RPTOR: variants seen among roughly 807,000 people sequenced by gnomAD.
RPTOR encodes regulatory-associated protein of mTOR.
A neutral mutation model predicts 169.9 loss-of-function variants in RPTOR; 21 were observed. That is an observed-to-expected ratio of 0.12 (90% CI 0.09 to 0.18). RPTOR has a LOEUF of 0.18. RPTOR is among the 10% of genes least tolerant of loss of function. The pLI is 1.00. For missense variants in RPTOR, 1,133 were observed against 1,855.9 expected (o/e 0.61, Z 7.16); for synonymous variants, 732 against 753.2 (o/e 0.97, Z 0.46).
Position 80,730,754 on chromosome 17 carries a change from T to TTTTGG in RPTOR, c.654+48_654+49insTTTGG. ...AGCGGTGCTGGGTTTGGTTTTGTTT[T>TTTTGG]CCCTGGGGGTGGGGTTTGGGTGGGG... On this transcript the variant is annotated intron_variant, in intron 5 of 33. Transcript: ENST00000306801. The surrounding 1 kb of genome is among the most constrained non-coding windows in gnomAD (Gnocchi z 4.2). 1.4e-6 allele frequency: 1 copy of TTTTGG among 721,656 alleles called. No homozygotes were observed. The highest frequency in any genetic ancestry group is 2.2e-6 in the Non-Finnish European group (1 of 457,704). 44.7% of individuals were successfully genotyped at this position (721,656 alleles called of 1,614,324 possible).
intron 1 of RPTOR, among the ~76,000 whole-genome samples, chr17:80,620,684 A>G (rs1311153004): frequency 6.6e-6 from 1 of 152,202 alleles, no homozygotes; most frequent in African/African-American, 2.4e-5. Flanking sequence ...GAGAATCGCT[A>G]GAACCCAGGA....
chr17:80,819,123 GCC>G (rs1281093320), intron 7 of RPTOR, among the ~76,000 whole-genome samples: 1 of 152,144 alleles, frequency 6.6e-6, no homozygotes, highest in African/African-American at 2.4e-5. Context: ...TGCAGCCCTG[GCC>G]CCCGCCAGCT....
At chr17:80,583,028 A>C in intron 1 of RPTOR, among the ~76,000 whole-genome samples, 1 of 143,048 alleles carries the variant, frequency 7.0e-6, no homozygotes, top group Admixed American at 7.0e-5. Context: ...CAATCCTCTC[A>C]CTTCAGCCTC....
chr17:80,821,006 A>G (rs773706238), intron 7 of RPTOR, among the ~76,000 whole-genome samples: 2 of 152,248 alleles, frequency 1.3e-5, no homozygotes, highest in African/African-American at 2.4e-5. Flanking sequence ...TTAGAATATT[A>G]TACTAACTTC....
chr17:80,632,695 G>A (rs1338660133), intron 2 of RPTOR, among the ~76,000 whole-genome samples: 8 of 152,206 alleles, frequency 5.3e-5, no homozygotes, highest in Non-Finnish European at 1.2e-4. Context: ...TGGTCCTGGT[G>A]ATGGTGGTTT....
At chr17:80,864,310 GAAA>G (rs2067957184) in intron 13 of RPTOR, among the ~76,000 whole-genome samples, 1 of 145,814 alleles carries the variant, frequency 6.9e-6, no homozygotes, top group African/African-American at 2.5e-5. Flanking sequence ...CCTACAGATG[GAAA>G]AGGTGAGAGT....
intron 9 of RPTOR, among the ~76,000 whole-genome samples, chr17:80,829,128 G>A (rs545863761): frequency 5.9e-5 from 9 of 152,272 alleles, no homozygotes; most frequent in South Asian, 2.1e-4. Flanking sequence ...CTAAGCCTTC[G>A]AAGCACTAAA....
chr17:80,570,133 C>T (rs1388507962), intron 1 of RPTOR, among the ~76,000 whole-genome samples: 2 of 152,176 alleles, frequency 1.3e-5, no homozygotes, highest in South Asian at 2.1e-4. Context: ...GTGACTGTCA[C>T]GGTCTGCATG....
At chr17:80,583,195 T>TTTG (rs1555717402) in intron 1 of RPTOR, among the ~76,000 whole-genome samples, 2 of 135,782 alleles carry the variant, frequency 1.5e-5, no homozygotes, top group Non-Finnish European at 3.2e-5. Context: ...TTTTTTTTTT[T>TTTG]TTTTTTTTTT....
At chr17:80,747,010 G>T (rs568322270) in intron 5 of RPTOR, among the ~76,000 whole-genome samples, 2 of 152,262 alleles carry the variant, frequency 1.3e-5, no homozygotes, top group East Asian at 3.9e-4. Flanking sequence ...TTGAGGTCAG[G>T]AATTCGAGAC....
intron 24 of RPTOR, among the ~76,000 whole-genome samples, chr17:80,934,267 G>GAC (rs2068930523): frequency 6.6e-6 from 1 of 151,426 alleles, no homozygotes; most frequent in Non-Finnish European, 1.5e-5. Flanking sequence ...AGATGAAATA[G>GAC]ACAAATTCCT....
At chr17:80,912,921 GA>G (rs2068629813) in intron 21 of RPTOR, among the ~76,000 whole-genome samples, 1 of 152,182 alleles carries the variant, frequency 6.6e-6, no homozygotes, top group Admixed American at 6.5e-5. Flanking sequence ...GCCACAGCCA[GA>G]GGGGTGGAGA....
chr17:80,785,312 G>A (rs1213170229), intron 6 of RPTOR, among the ~76,000 whole-genome samples: 1 of 152,118 alleles, frequency 6.6e-6, no homozygotes, highest in African/African-American at 2.4e-5. Flanking sequence ...GTCAAAGTCA[G>A]ATAAAATATA....
intron 21 of RPTOR, among the ~76,000 whole-genome samples, chr17:80,921,073 C>T (rs2068739221): frequency 1.3e-5 from 2 of 152,208 alleles, no homozygotes; most frequent in South Asian, 2.1e-4. Context: ...ATCTGGGAAG[C>T]GTGGGTGTTA....
intron 3 of RPTOR, among the ~76,000 whole-genome samples, chr17:80,706,855 G>A (rs535773240): frequency 3.3e-5 from 5 of 152,242 alleles, no homozygotes; most frequent in African/African-American, 1.2e-4. Flanking sequence ...ACCCAAGCAG[G>A]GAGCATCTTC....
intron 1 of RPTOR, chr17:80,593,461 G>A (rs2065122283): frequency 6.5e-6 from 1 of 154,848 alleles, no homozygotes; most frequent in South Asian, 2.0e-4. Flanking sequence ...CTAGGACAGA[G>A]GGTCTCAATG....
intron 24 of RPTOR, among the ~76,000 whole-genome samples, chr17:80,930,394 ATTCTCAG>A (rs2068876128): frequency 2.2e-4 from 1 of 4,548 alleles, no homozygotes; most frequent in Non-Finnish European, 4.4e-4. Flanking sequence ...AGCTCAGCTC[ATTCTCAG>A]CTCATCCCCA....
At chr17:80,759,900 T>C (rs2066717181) in intron 6 of RPTOR, among the ~76,000 whole-genome samples, 1 of 152,216 alleles carries the variant, frequency 6.6e-6, no homozygotes, top group Non-Finnish European at 1.5e-5. Flanking sequence ...ATGTATTGCC[T>C]GTTGGTCTTT....
At chr17:80,666,363 T>G (rs1000423854) in intron 3 of RPTOR, among the ~76,000 whole-genome samples, 5 of 152,170 alleles carry the variant, frequency 3.3e-5, no homozygotes, top group Non-Finnish European at 7.3e-5. Flanking sequence ...AGATGGAGAC[T>G]AGAAGAAGTG....
Sources: gnomAD v4.1 joint callset for allele counts (sites outside exome capture counted in the v4.1 genomes callset) on GRCh38, gnomAD v4.1.1 for gene constraint, Gnocchi (gnomAD v3.1) non-coding constraint, MANE v1.5 for transcripts, NCBI Gene and HGNC (gene_info 2026-07-23, HGNC 2026-07-21) for gene names.